Variants in POLR1C observed in about 807,000 individuals in gnomAD.
The protein encoded by POLR1C is RNA polymerase I and III subunit C.
In POLR1C, 42 loss-of-function variants were observed where a neutral mutation model predicts 38.3. That is an observed-to-expected ratio of 1.10 (90% CI 0.86 to 1.42). POLR1C has a LOEUF of 1.42. POLR1C is among the 40% of genes most tolerant of loss of function. The probability of loss-of-function intolerance (pLI) is 0.00; values close to 1 mark genes in which losing one functional copy is unlikely to be tolerated. For synonymous variants in POLR1C, 163 were observed against 163.9 expected (o/e 0.99, Z 0.04); for missense variants, 507 against 450.5 (o/e 1.13, Z -1.14).
Position 43,551,363 on chromosome 6 carries a change from T to C in POLR1C, c.*48+352T>C, listed in dbSNP as rs1339279949. 9.9e-6 allele frequency: 16 copies of C among 1,613,722 alleles called. No individual in the cohort carries two copies. The highest frequency in any genetic ancestry group is 1.6e-4 in the Middle Eastern group (1 of 6,080). On this transcript the variant is annotated intron_variant, in intron 10 of 10. Transcript: ENST00000607635. ...ACAAATGGAAAGAGTGCAGAGACAT[T>C]AGTAAGGACGCAGGACAGGATGAGG...
At chr6:43,531,005 A>C (rs890872057), downstream of POLR1C, among the ~76,000 whole-genome samples, 1 of 152,226 alleles carries the variant, frequency 6.6e-6, no homozygotes, top group African/African-American at 2.4e-5. Context: ...GGTGGCCGAG[A>C]TCAGCAGTAG....
chr6:43,560,162 G>A, intron 10 of POLR1C: 2 of 1,610,724 alleles, frequency 1.2e-6, no homozygotes, highest in Non-Finnish European at 1.7e-6. Context: ...CACATGTTTA[G>A]ATTCCCATTA....
At chr6:43,524,665 T>G (rs1793435263), downstream of POLR1C, 1 of 1,607,430 alleles carries the variant, frequency 6.2e-7, no homozygotes, top group African/African-American at 1.3e-5. Context: ...ACTTACTGGA[T>G]GTAGGTTTGG....
rs781378686 is a variant in POLR1C at position 43,551,304 on chromosome 6, G to A, written c.*48+293G>A. The A allele has an allele frequency of 8.1e-6, 13 of 1,610,670 alleles. No individual in the cohort carries two copies. In the Admixed American group the frequency reaches 1.0e-4, roughly 13 times the overall value. Reference sequence around the variant, plus strand: ...AAGGAGATGGGCTTTATACCTTAGAGAAGACCTGGGGCAGGAACTCTGGTC... The same window carrying A: ...AAGGAGATGGGCTTTATACCTTAGAAAAGACCTGGGGCAGGAACTCTGGTC... On this transcript the variant is annotated intron_variant, in intron 10 of 10. Coordinates refer to the POLR1C transcript ENST00000607635.
At chr6:43,525,280 A>G, downstream of POLR1C, 1 of 1,425,836 alleles carries the variant, frequency 7.0e-7, no homozygotes, top group Non-Finnish European at 9.5e-7. Context: ...TGATTATTAC[A>G]CATCAGGAGC....
intron 9 of POLR1C, among the ~76,000 whole-genome samples, chr6:43,542,189 G>A (rs1396013541): frequency 1.3e-5 from 2 of 151,966 alleles, no homozygotes; most frequent in Non-Finnish European, 2.9e-5. Flanking sequence ...GCTTTCCAGA[G>A]AAAACTGGAA....
rs80010268 is a variant in POLR1C, at chr6:43,549,357, C to G, written c.*5-1611C>G. ...GGGATTACAGGTGTGAGCCACCATG[C>G]CCGGCCAAGGATGCTTATATGATGC... On this transcript the variant is annotated intron_variant, in intron 9 of 10. Transcript: ENST00000607635. 2,784 of 860,142 alleles carry G rather than the reference C, an allele frequency of 3.2e-3. 49 individuals carry two copies. The African/African-American group carries it at 0.04, about 12-fold the overall frequency. The allele number at this position is 860,142 out of a possible 1,614,324, so 53.3% of individuals were successfully genotyped here. A position where few individuals can be genotyped will look rare whatever the true frequency, so the allele number is the denominator to read the frequency against.
downstream of POLR1C, chr6:43,525,546 G>A (rs1561862502): frequency 1.9e-6 from 1 of 518,424 alleles, no homozygotes. Flanking sequence ...GAGAAAACCT[G>A]TATGTGTAGG....
intron 9 of POLR1C, chr6:43,538,909 G>A: frequency 8.2e-7 from 1 of 1,213,318 alleles, no homozygotes; most frequent in Non-Finnish European, 1.2e-6. Flanking sequence ...ATTCCTGATA[G>A]GGAGACTTGG....
At chr6:43,524,237 A>G (rs1379305995), downstream of POLR1C, among the ~76,000 whole-genome samples, 1 of 151,986 alleles carries the variant, frequency 6.6e-6, no homozygotes, top group Non-Finnish European at 1.5e-5. Context: ...CTGTAATCCC[A>G]GCTACTTGGG....
chr6:43,539,665 G>C, intron 9 of POLR1C: 1 of 1,085,700 alleles, frequency 9.2e-7, no homozygotes, highest in Non-Finnish European at 1.3e-6. Flanking sequence ...GGCCACCAGG[G>C]CCTCCAGGCC....
chr6:43,548,236 A>G, intron 9 of POLR1C: 1 of 1,559,150 alleles, frequency 6.4e-7, no homozygotes, highest in Non-Finnish European at 8.7e-7. Context: ...GTATAGTAAG[A>G]GTCAGGGCAA....
intron 3 of POLR1C, 104 bp from the exon 4 acceptor site, chr6:43,519,602 T>A: frequency 2.6e-6 from 4 of 1,531,386 alleles, no homozygotes; most frequent in Non-Finnish European, 3.6e-6. Flanking sequence ...CATTAAACAT[T>A]CTAGGAAGAG....
chr6:43,524,741 G>A (rs1457529004), downstream of POLR1C: 41 of 1,586,720 alleles, frequency 2.6e-5, no homozygotes, highest in Middle Eastern at 2.0e-4. Context: ...AATTTGGCAG[G>A]TGCCTGAATT....
intron 9 of POLR1C, among the ~76,000 whole-genome samples, chr6:43,538,235 C>T (rs59584556): frequency 0.11 from 16,039 of 146,610 alleles, 1,930 homozygotes; most frequent in African/African-American, 0.3. Flanking sequence ...ATGCAACCTC[C>T]GCCTGCTGGG....
chr6:43,525,457 T>G (rs1347862486), downstream of POLR1C: 2 of 523,992 alleles, frequency 3.8e-6, no homozygotes, highest in Non-Finnish European at 6.7e-6. Flanking sequence ...GAGTTTTAAA[T>G]AGCTAAGCAG....
At chr6:43,548,573 C>A in intron 9 of POLR1C, 1 of 949,536 alleles carries the variant, frequency 1.1e-6, no homozygotes. Flanking sequence ...AAAGTCAGGC[C>A]TATAAGGTTA....
intron 9 of POLR1C, among the ~76,000 whole-genome samples, chr6:43,541,414 T>A (rs1448153990): frequency 1.3e-5 from 2 of 152,228 alleles, no homozygotes; most frequent in Non-Finnish European, 2.9e-5. Flanking sequence ...CACAAAACTT[T>A]AAAAAACTAA....
downstream of POLR1C, chr6:43,524,396 C>G (rs1361927132): frequency 1.4e-6 from 2 of 1,448,792 alleles, no homozygotes; most frequent in Non-Finnish European, 1.9e-6. Flanking sequence ...TCAATAACTA[C>G]AGCTGGTTTA....
Sources: gnomAD v4.1 joint callset for allele counts (sites outside exome capture counted in the v4.1 genomes callset) on GRCh38, gnomAD v4.1.1 for gene constraint, MANE v1.5 for transcripts, NCBI Gene and HGNC (gene_info 2026-07-23, HGNC 2026-07-21) for gene names.